ERBB4: variants seen among roughly 807,000 people sequenced by gnomAD.
ERBB4 encodes receptor tyrosine-protein kinase erbB-4.
A neutral mutation model predicts 158.0 loss-of-function variants in ERBB4; 42 were observed. That is an observed-to-expected ratio of 0.27 (90% CI 0.21 to 0.34). The LOEUF is 0.34. Ranked by LOEUF, ERBB4 falls within the 10% of genes least tolerant of loss-of-function variation. The pLI is 1.00. For missense variants in ERBB4, 1,333 were observed against 1,624.1 expected, an observed-to-expected ratio of 0.82 and a Z score of 3.08; for synonymous variants, 583 against 558.7, an observed-to-expected ratio of 1.04 and a Z score of -0.61.
intron 12 of ERBB4, among the ~76,000 whole-genome samples, chr2:211,686,008 G>T (rs1305118512): frequency 6.6e-6 from 1 of 151,946 alleles, no homozygotes; most frequent in Non-Finnish European, 1.5e-5. Context: ...TATTTTAGGA[G>T]GTTTTTGTAG....
At chr2:212,338,668 C>A (rs1400683869) in intron 1 of ERBB4, among the ~76,000 whole-genome samples, 6 of 152,070 alleles carry the variant, frequency 3.9e-5, no homozygotes, top group Admixed American at 3.9e-4. Context: ...AGCAACTGGA[C>A]ATTTATTTAG....
At position 211,699,998 on chromosome 2, in the gene ERBB4, G is replaced by A. The variant is rs2073172424; in HGVS notation, c.1489+1969C>T. On this transcript the variant is annotated intron_variant, in intron 12 of 27. Transcript: ENST00000342788. ...TGACATATGAATTTTTGTAGGATTT[G>A]CAAACTGATTAAGTGCATCAAAGAG... 2.0e-5 allele frequency among the ~76,000 whole-genome samples: 3 copies of A among 152,038 alleles called. No homozygotes were observed. In the South Asian group the frequency reaches 6.2e-4, roughly 32 times the overall value.
intron 1 of ERBB4, among the ~76,000 whole-genome samples, chr2:212,128,199 T>C (rs2080001783): frequency 6.6e-6 from 1 of 152,200 alleles, no homozygotes; most frequent in Non-Finnish European, 1.5e-5. Flanking sequence ...GGTAAATACC[T>C]CTAAAATCTT....
chr2:211,947,381 C>A, intron 3 of ERBB4, 49 bp downstream of exon 3: 2 of 1,447,944 alleles, frequency 1.4e-6, no homozygotes, highest in East Asian at 2.3e-5. Context: ...ATACAATTGC[C>A]TTATATTGAT....
At chr2:211,942,579 G>A (rs2080533986) in intron 3 of ERBB4, among the ~76,000 whole-genome samples, 1 of 151,822 alleles carries the variant, frequency 6.6e-6, no homozygotes, top group Non-Finnish European at 1.5e-5. Flanking sequence ...CATTACTATT[G>A]AGGGCTTCTA....
intron 3 of ERBB4, among the ~76,000 whole-genome samples, chr2:211,938,543 T>C (rs1285737605): frequency 1.3e-5 from 2 of 152,166 alleles, no homozygotes; most frequent in Non-Finnish European, 2.9e-5. Context: ...CACAGCAGTC[T>C]TGTTCAGAGG....
At chr2:211,839,257 A>G (rs2077417573) in intron 3 of ERBB4, among the ~76,000 whole-genome samples, 1 of 151,678 alleles carries the variant, frequency 6.6e-6, no homozygotes, top group Non-Finnish European at 1.5e-5. Context: ...AAAAGAAAGA[A>G]AGAAAGACCT....
chr2:212,011,770 C>G (rs1024145945), intron 2 of ERBB4, among the ~76,000 whole-genome samples: 3 of 150,976 alleles, frequency 2.0e-5, no homozygotes, highest in South Asian at 2.1e-4. Flanking sequence ...AAAAAAAAAG[C>G]ATTTCACAGG....
At chr2:212,319,302 A>G (rs1041130411) in intron 1 of ERBB4, among the ~76,000 whole-genome samples, 3 of 138,506 alleles carry the variant, frequency 2.2e-5, no homozygotes, top group African/African-American at 7.4e-5. Flanking sequence ...CAGGAGTCTA[A>G]GTTTTAAACG....
At chr2:212,035,749 T>C (rs2076998058) in intron 2 of ERBB4, among the ~76,000 whole-genome samples, 1 of 152,200 alleles carries the variant, frequency 6.6e-6, no homozygotes, top group South Asian at 2.1e-4. Flanking sequence ...GTCCCTGGCA[T>C]GTAATATGCA....
rs142078182 is a variant in ERBB4 at position 211,508,633 on chromosome 2, C to A, written c.2487+53270G>T. On this transcript the variant is annotated intron_variant, in intron 20 of 27. Coordinates refer to ENST00000342788, the MANE Select transcript of ERBB4 (RefSeq NM_005235.3). ...CAGCAATCCCATTACTGGGTATATA[C>A]CCAAAGGATGATAAATCATTCTACT... 3.1e-3 allele frequency among the ~76,000 whole-genome samples: 468 copies of A among 152,230 alleles called. 4 individuals are homozygous for A. The highest frequency in any genetic ancestry group is 0.011 in the African/African-American group (440 of 41,560).
At position 211,673,517 on chromosome 2, in the gene ERBB4, C is replaced by CAAAAAAAAAAAA. The variant is rs71054125; in HGVS notation, c.1623-272_1623-261dup. On this transcript the variant is annotated intron_variant, in intron 13 of 27. Coordinates refer to ENST00000342788, the MANE Select transcript of ERBB4 (RefSeq NM_005235.3). ...CCTGCAAGACATATTCCAGCAATCT[C>CAAAAAAAAAAAA]AAAAAAAAAAAAAGCTACAAAGTAT... is the stretch of plus-strand genomic sequence containing the variant. Among the ~76,000 whole-genome samples the CAAAAAAAAAAAA allele has an allele frequency of 2.7e-3, 148 of 54,046 alleles. 21 individuals are homozygous for CAAAAAAAAAAAA. Among genetic ancestry groups the CAAAAAAAAAAAA allele is most frequent in the African/African-American group, 8.7e-3 (121 of 13,886 alleles). The allele number at this position is 54,046 out of a possible 152,430, so 35.5% of individuals were successfully genotyped here.
chr2:212,188,815 A>G (rs2082105315), intron 1 of ERBB4, among the ~76,000 whole-genome samples: 1 of 152,088 alleles, frequency 6.6e-6, no homozygotes, highest in Non-Finnish European at 1.5e-5. Context: ...CCATAGACTC[A>G]ACATACTTAT....
intron 1 of ERBB4, among the ~76,000 whole-genome samples, chr2:212,536,680 T>C (rs1286014387): frequency 6.6e-6 from 1 of 152,142 alleles, no homozygotes; most frequent in African/African-American, 2.4e-5. Flanking sequence ...CTTGCAGAAA[T>C]TCTGAAAAGG....
chr2:212,163,061 G>C (rs565704216), intron 1 of ERBB4, among the ~76,000 whole-genome samples: 45 of 151,884 alleles, frequency 3.0e-4, no homozygotes, highest in Admixed American at 7.9e-4. Flanking sequence ...CTCTCCTTCT[G>C]TTGGACTCTC....
intron 3 of ERBB4, among the ~76,000 whole-genome samples, chr2:211,878,596 C>T (rs2078573546): frequency 6.8e-6 from 1 of 147,442 alleles, no homozygotes; most frequent in Non-Finnish European, 1.5e-5. Context: ...ATATTTTAAA[C>T]ATGGCATGGA....
At chr2:211,659,964 A>C (rs1398680933) in intron 15 of ERBB4, among the ~76,000 whole-genome samples, 1 of 152,170 alleles carries the variant, frequency 6.6e-6, no homozygotes, top group Non-Finnish European at 1.5e-5. Flanking sequence ...AGAAGCTGAA[A>C]TTTAGAGTTC....
At chr2:211,387,871 A>T in intron 26 of ERBB4, 74 bp downstream of exon 26, 1 of 1,149,984 alleles carries the variant, frequency 8.7e-7, no homozygotes, top group Non-Finnish European at 1.3e-6. Flanking sequence ...GAAATTATGC[A>T]GAGACGAGAG....
intron 3 of ERBB4, among the ~76,000 whole-genome samples, chr2:211,793,724 A>G (rs1023494209): frequency 2.0e-5 from 3 of 151,892 alleles, no homozygotes; most frequent in Non-Finnish European, 4.4e-5. Context: ...AGATTCCTGT[A>G]TCTTTCCCAA....
Sources: gnomAD v4.1 joint callset for allele counts (sites outside exome capture counted in the v4.1 genomes callset) on GRCh38, gnomAD v4.1.1 for gene constraint, MANE v1.5 for transcripts, NCBI Gene and HGNC (gene_info 2026-07-23, HGNC 2026-07-21) for gene names.